The following CNTNAP5 variants were observed in gnomAD, a reference collection of about 807,000 sequenced individuals.
CNTNAP5 encodes contactin associated protein family member 5.
Under a neutral mutation model 150.2 loss-of-function variants are expected in CNTNAP5, and 72 were observed. That is an observed-to-expected ratio of 0.48 (90% CI 0.40 to 0.58). The LOEUF (loss-of-function observed/expected upper bound fraction) is 0.58. CNTNAP5 is among the 20% of genes least tolerant of loss of function. The pLI is 0.00. For synonymous variants in CNTNAP5, 672 were observed against 619.8 expected (o/e 1.08, Z -1.25); for missense variants, 1,636 against 1,626.2 (o/e 1.01, Z -0.10).
intron 11 of CNTNAP5, among the ~76,000 whole-genome samples, chr2:124,592,994 G>T (rs1344294172): frequency 6.6e-6 from 1 of 150,772 alleles, no homozygotes; most frequent in Non-Finnish European, 1.5e-5. Context: ...CTATATTTTT[G>T]TTCATTGCTT....
At chr2:124,327,140 C>T (rs1689239482) in intron 3 of CNTNAP5, among the ~76,000 whole-genome samples, 1 of 150,684 alleles carries the variant, frequency 6.6e-6, no homozygotes, top group Admixed American at 6.6e-5. Context: ...GCCACCACAC[C>T]TGGCTAATTT....
chr2:124,537,252 G>A (rs75828982), intron 10 of CNTNAP5, among the ~76,000 whole-genome samples: 2 of 152,130 alleles, frequency 1.3e-5, no homozygotes, highest in Non-Finnish European at 2.9e-5. Context: ...TGGCACTGTG[G>A]TACTTCTAAC....
chr2:124,763,723 G>T lies in CNTNAP5; in HGVS notation c.2286G>T (p.Gln762His). The T allele has an allele frequency of 6.2e-7, 1 of 1,612,938 alleles. No homozygotes were observed. Among genetic ancestry groups the T allele is most frequent in the Non-Finnish European group, 8.5e-7 (1 of 1,179,358 alleles). The change falls in exon 15 of 24, where the codon CAG becomes CAT. Residue 762 changes from glutamine (Q) to histidine (H), a missense_variant. Transcript: ENST00000682447. ...LSFKDHLPVT[Q>H]IVITDTDRSN... Reference sequence around the variant, plus strand: ...TCAAAGACCACTTGCCTGTCACTCAGATAGTTATCACTGATACCGACAGAT... The same window carrying T: ...TCAAAGACCACTTGCCTGTCACTCATATAGTTATCACTGATACCGACAGAT...
At chr2:124,611,923 T>C (rs1203832713) in intron 12 of CNTNAP5, among the ~76,000 whole-genome samples, 1 of 152,188 alleles carries the variant, frequency 6.6e-6, no homozygotes, top group South Asian at 2.1e-4. Context: ...GCAGACATTT[T>C]TTTTATCTCC....
intron 1 of CNTNAP5, among the ~76,000 whole-genome samples, chr2:124,217,221 CATT>C: frequency 6.7e-6 from 1 of 148,334 alleles, no homozygotes; most frequent in East Asian, 2.2e-4. Context: ...TTTAGTCTCT[CATT>C]ATATTTTTTT....
chr2:124,654,655 G>A (rs962924421), intron 13 of CNTNAP5, among the ~76,000 whole-genome samples: 10 of 152,086 alleles, frequency 6.6e-5, no homozygotes, highest in African/African-American at 2.4e-4. Flanking sequence ...GGAGGTCCGC[G>A]TCAGAGAGCT....
At chr2:124,568,746 T>G (rs888172065) in intron 11 of CNTNAP5, among the ~76,000 whole-genome samples, 1 of 152,174 alleles carries the variant, frequency 6.6e-6, no homozygotes, top group Admixed American at 6.5e-5. Context: ...TAAGCATCTT[T>G]GTATTTAAGT....
intron 19 of CNTNAP5, among the ~76,000 whole-genome samples, chr2:124,799,129 A>G (rs1021152297): frequency 1.3e-5 from 2 of 152,156 alleles, no homozygotes; most frequent in South Asian, 2.1e-4. Flanking sequence ...TCATTTTTCA[A>G]TTTGCATGGT....
intron 6 of CNTNAP5, among the ~76,000 whole-genome samples, chr2:124,466,628 A>G (rs1693384417): frequency 6.6e-6 from 1 of 152,208 alleles, no homozygotes; most frequent in African/African-American, 2.4e-5. Flanking sequence ...CAGAATAATA[A>G]GAATAAAAGA....
chr2:124,563,393 A>G, intron 11 of CNTNAP5, 70 bp downstream of exon 11: 2 of 907,008 alleles, frequency 2.2e-6, no homozygotes, highest in African/African-American at 1.7e-5. Context: ...TAACTTCAGG[A>G]TGTATTTAGC....
intron 1 of CNTNAP5, among the ~76,000 whole-genome samples, chr2:124,160,588 A>G (rs1684653426): frequency 6.6e-6 from 1 of 152,028 alleles, no homozygotes; most frequent in African/African-American, 2.4e-5. Flanking sequence ...ATACAAACTG[A>G]GCCTGTAGGT....
At chr2:124,123,403 G>C (rs139672343) in intron 1 of CNTNAP5, among the ~76,000 whole-genome samples, 1 of 152,106 alleles carries the variant, frequency 6.6e-6, no homozygotes, top group Non-Finnish European at 1.5e-5. Context: ...CAAAGCAGCT[G>C]GAAAGCTTGA....
At chr2:124,699,240 G>A (rs1679469149) in intron 13 of CNTNAP5, among the ~76,000 whole-genome samples, 1 of 152,004 alleles carries the variant, frequency 6.6e-6, no homozygotes, top group African/African-American at 2.4e-5. Flanking sequence ...AATGGGGAGG[G>A]AAATATACAG....
chr2:124,064,528 A>C (rs1162986595), intron 1 of CNTNAP5, among the ~76,000 whole-genome samples: 3 of 152,102 alleles, frequency 2.0e-5, no homozygotes, highest in African/African-American at 7.2e-5. Flanking sequence ...TGGATTTCTA[A>C]CTGGTCTCCT....
At chr2:124,588,294 A>C (rs1384891600) in intron 11 of CNTNAP5, among the ~76,000 whole-genome samples, 5 of 149,712 alleles carry the variant, frequency 3.3e-5, no homozygotes, top group Non-Finnish European at 7.4e-5. Context: ...CTGAAATTTT[A>C]ACTTGCAAAA....
In CNTNAP5 at chr2:124,119,869, C is replaced by G. The variant is rs116627727; in HGVS notation, c.82+94137C>G. On this transcript the variant is annotated intron_variant, in intron 1 of 23. Coordinates refer to ENST00000682447, the MANE Select transcript of CNTNAP5 (RefSeq NM_001367498.1). ...AGAAACCACTGCAGGCTCTTTACAT[C>G]AGGGAATAGTGTATTCATTTATTAA... Among the ~76,000 whole-genome samples, 604 of 152,302 alleles carry G rather than the reference C, an allele frequency of 4.0e-3. 7 individuals carry two copies. Among genetic ancestry groups the G allele is most frequent in the African/African-American group, 0.014 (589 of 41,552 alleles).
At chr2:124,385,803 C>T (rs1349216996) in intron 3 of CNTNAP5, among the ~76,000 whole-genome samples, 1 of 152,142 alleles carries the variant, frequency 6.6e-6, no homozygotes, top group Non-Finnish European at 1.5e-5. Flanking sequence ...AGAAGTGCCC[C>T]CTGAGTACTC....
intron 19 of CNTNAP5, among the ~76,000 whole-genome samples, chr2:124,835,183 G>T (rs1332550842): frequency 6.6e-6 from 1 of 151,978 alleles, no homozygotes; most frequent in Non-Finnish European, 1.5e-5. Context: ...TTTCCACATT[G>T]CTACATATTG....
At chr2:124,394,011 A>T (rs1042011167) in intron 3 of CNTNAP5, among the ~76,000 whole-genome samples, 2 of 152,330 alleles carry the variant, frequency 1.3e-5, no homozygotes, top group Admixed American at 1.3e-4. Context: ...ATAAAATATC[A>T]GTCATCGTTT....
Sources: gnomAD v4.1 joint callset for allele counts (sites outside exome capture counted in the v4.1 genomes callset) on GRCh38, gnomAD v4.1.1 for gene constraint, MANE v1.5 for transcripts, NCBI Gene and HGNC (gene_info 2026-07-23, HGNC 2026-07-21) for gene names.